Variants in LOC400499 observed in about 807,000 individuals in gnomAD.
the LOC400499 span, among the ~76,000 whole-genome samples, chr16:11,509,065 G>A: frequency 2.6e-5 from 4 of 152,142 alleles, no homozygotes; most frequent in Admixed American, 2.0e-4. Flanking sequence ...AGCAGGGGCT[G>A]GGCAAACAAA....
chr16:11,384,978 T>A, the LOC400499 span: 4 of 1,232,048 alleles, frequency 3.2e-6, 1 homozygote, highest in Admixed American at 1.7e-4. Context: ...AGCTCAATCC[T>A]GGAGACGTCC....
the LOC400499 span, among the ~76,000 whole-genome samples, chr16:11,463,935 T>C: frequency 1.3e-5 from 2 of 152,184 alleles, no homozygotes; most frequent in African/African-American, 4.8e-5. Flanking sequence ...TGGATGTATA[T>C]GGACGTGTGT....
the LOC400499 span, among the ~76,000 whole-genome samples, chr16:11,505,450 T>C: frequency 8.9e-5 from 11 of 124,054 alleles, no homozygotes; most frequent in Non-Finnish European, 1.2e-4. Context: ...CTTTTCTTTT[T>C]TTTTTTTTTT....
At chr16:11,454,859 C>T in the LOC400499 span, among the ~76,000 whole-genome samples, 1 of 152,044 alleles carries the variant, frequency 6.6e-6, no homozygotes, top group Admixed American at 6.6e-5. Context: ...GGGATTGTGA[C>T]CCAGAGGAGA....
At chr16:11,477,794 C>T in the LOC400499 span, 2 of 398,814 alleles carry the variant, frequency 5.0e-6, no homozygotes, top group East Asian at 7.1e-5. Context: ...ACCACCTAAC[C>T]TGCGCCAGCT....
At chr16:11,501,419 G>A in the LOC400499 span, among the ~76,000 whole-genome samples, 1 of 152,132 alleles carries the variant, frequency 6.6e-6, no homozygotes, top group African/African-American at 2.4e-5. Context: ...GTGCAGTGGT[G>A]CGATCACACC....
chr16:11,390,671 A>T, the LOC400499 span, among the ~76,000 whole-genome samples: 2 of 152,172 alleles, frequency 1.3e-5, no homozygotes, highest in African/African-American at 4.8e-5. Context: ...GCCTGCTTAT[A>T]AGGTTGTCTG....
chr16:11,513,575 C>A, the LOC400499 span, among the ~76,000 whole-genome samples: 1 of 151,802 alleles, frequency 6.6e-6, no homozygotes, highest in Non-Finnish European at 1.5e-5. Context: ...GAATTACAGG[C>A]GCCCACCACT....
chr16:11,404,561 G>C, the LOC400499 span: 1 of 392,252 alleles, frequency 2.5e-6, no homozygotes, highest in Non-Finnish European at 4.5e-6. Context: ...TGGCCAGGCT[G>C]GTCTCAAACT....
chr16:11,441,477 G>C, the LOC400499 span, among the ~76,000 whole-genome samples: 1 of 152,218 alleles, frequency 6.6e-6, no homozygotes, highest in Non-Finnish European at 1.5e-5. Flanking sequence ...AGCTGTGCTA[G>C]AGTGAAAGAA....
chr16:11,376,962 T>G, the LOC400499 span, among the ~76,000 whole-genome samples: 1 of 142,274 alleles, frequency 7.0e-6, no homozygotes, highest in African/African-American at 2.6e-5. Flanking sequence ...TTTTTAAAGA[T>G]GATGTCTCAC....
At chr16:11,429,270 C>A in the LOC400499 span, among the ~76,000 whole-genome samples, 11,311 of 152,110 alleles carry the variant, frequency 0.074, 1,029 homozygotes, top group African/African-American at 0.2. Flanking sequence ...GCAGCTCCCC[C>A]CTCTTTCTCT....
At chr16:11,407,421 G>A in the LOC400499 span, 1 of 396,724 alleles carries the variant, frequency 2.5e-6, no homozygotes, top group Non-Finnish European at 4.4e-6. Context: ...GGAGATGCTG[G>A]CTGTAGGCCG....
chr16:11,391,575 G>A, the LOC400499 span: 1 of 1,091,168 alleles, frequency 9.2e-7, no homozygotes, highest in Non-Finnish European at 1.2e-6. Context: ...TTGAAACAGT[G>A]CCACAGGCCA....
the LOC400499 span, among the ~76,000 whole-genome samples, chr16:11,388,595 TC>T: frequency 1.1e-4 from 16 of 151,572 alleles, no homozygotes; most frequent in African/African-American, 3.4e-4. Context: ...TAAACTGGGC[TC>T]CCCCCTTCTA....
the LOC400499 span, among the ~76,000 whole-genome samples, chr16:11,476,308 G>C: frequency 1.3e-5 from 2 of 152,080 alleles, no homozygotes; most frequent in Admixed American, 1.3e-4. Flanking sequence ...CTCTCCAAGA[G>C]TCACCTCCTT....
the LOC400499 span, among the ~76,000 whole-genome samples, chr16:11,421,142 G>C: frequency 6.6e-6 from 1 of 152,212 alleles, no homozygotes; most frequent in Non-Finnish European, 1.5e-5. Context: ...GCTCAGGGCA[G>C]ATCCAGAGAC....
chr16:11,439,965 C>T, the LOC400499 span, among the ~76,000 whole-genome samples: 1 of 152,118 alleles, frequency 6.6e-6, no homozygotes, highest in Admixed American at 6.6e-5. Flanking sequence ...CTGTTACCAT[C>T]CCATTTCCCA....
At chr16:11,396,683 G>A in the LOC400499 span, 22 of 1,231,938 alleles carry the variant, frequency 1.8e-5, no homozygotes, top group Non-Finnish European at 2.0e-5. Context: ...GGCCTGGGAC[G>A]AGAGAGTCTA....
Sources: gnomAD v4.1 joint callset for allele counts (sites outside exome capture counted in the v4.1 genomes callset) on GRCh38, gnomAD v4.1.1 for gene constraint, MANE v1.5 for transcripts.